SGCZ: variants seen among roughly 807,000 people sequenced by gnomAD.
SGCZ encodes the protein zeta-sarcoglycan.
Under a neutral mutation model 41.3 loss-of-function variants are expected in SGCZ, and 40 were observed. The ratio of observed to expected loss-of-function variants is 0.97; its 90% CI spans 0.75 to 1.26. The LOEUF (loss-of-function observed/expected upper bound fraction) is 1.26. SGCZ is among the 50% of genes most tolerant of loss of function. SGCZ has a pLI of 0.00. For synonymous variants in SGCZ, 206 were observed against 137.5 expected, an observed-to-expected ratio of 1.50 and a Z score of -3.49; for missense variants, 552 against 369.8, an observed-to-expected ratio of 1.49 and a Z score of -4.04.
intron 5 of SGCZ, among the ~76,000 whole-genome samples, chr8:14,163,651 C>T (rs1013889946): frequency 2.0e-5 from 3 of 152,120 alleles, no homozygotes; most frequent in African/African-American, 7.2e-5. Context: ...GAGGGAAAAT[C>T]AGAGGCATCT....
At chr8:14,342,665 C>T (rs1015680451) in intron 2 of SGCZ, among the ~76,000 whole-genome samples, 1 of 152,022 alleles carries the variant, frequency 6.6e-6, no homozygotes, top group Non-Finnish European at 1.5e-5. Flanking sequence ...GACTTGGGTG[C>T]TATTAAAGGC....
chr8:14,668,866 A>G (rs1291200700), intron 1 of SGCZ, among the ~76,000 whole-genome samples: 1 of 152,118 alleles, frequency 6.6e-6, no homozygotes, highest in Non-Finnish European at 1.5e-5. Context: ...TACATGGTGA[A>G]ATAAATCACT....
intron 1 of SGCZ, among the ~76,000 whole-genome samples, chr8:14,582,168 T>C (rs550873672): frequency 1.6e-3 from 249 of 152,272 alleles, no homozygotes; most frequent in African/African-American, 5.8e-3. Context: ...GAATATATTA[T>C]ATATATGTAT....
chr8:14,740,531 A>T (rs1454773315), intron 1 of SGCZ, among the ~76,000 whole-genome samples: 2 of 152,006 alleles, frequency 1.3e-5, no homozygotes, highest in Non-Finnish European at 2.9e-5. Context: ...ACGTACTATG[A>T]ATGTCCACTA....
chr8:14,784,042 T>C (rs1800672898), intron 1 of SGCZ, among the ~76,000 whole-genome samples: 1 of 133,834 alleles, frequency 7.5e-6, no homozygotes, highest in Admixed American at 8.2e-5. Context: ...CAGATTGTAA[T>C]TTAATTTAAT....
At position 14,285,345 on chromosome 8, in the gene SGCZ, T is replaced by C. The variant is rs146943640; in HGVS notation, c.336+38758A>G. On this transcript the variant is annotated intron_variant, in intron 3 of 7. Coordinates refer to ENST00000382080, the MANE Select transcript of SGCZ (RefSeq NM_139167.4). ...GTTTGGGACTTATTTCCTCCTTGTA[T>C]TGAAATATTGTATTCTAAGAACAAG... Among the ~76,000 whole-genome samples, 116 of 152,242 alleles carry C rather than the reference T, an allele frequency of 7.6e-4. 1 individual carries two copies. The East Asian group carries it at 0.022, about 29-fold the overall frequency.
At chr8:14,317,442 G>A (rs1216775095) in intron 3 of SGCZ, among the ~76,000 whole-genome samples, 1 of 151,796 alleles carries the variant, frequency 6.6e-6, no homozygotes, top group Admixed American at 6.6e-5. Context: ...ATCATTATCT[G>A]TCAGATGAGC....
intron 1 of SGCZ, among the ~76,000 whole-genome samples, chr8:14,628,928 C>G (rs1398851437): frequency 6.6e-6 from 1 of 152,120 alleles, no homozygotes; most frequent in African/African-American, 2.4e-5. Context: ...ACCATCTGTA[C>G]TTTTGCTGTT....
chr8:14,688,399 A>C (rs1797159249), intron 1 of SGCZ, among the ~76,000 whole-genome samples: 1 of 152,148 alleles, frequency 6.6e-6, no homozygotes, highest in Non-Finnish European at 1.5e-5. Flanking sequence ...ATCCAGGTTC[A>C]GCTTTCTACC....
At chr8:14,764,159 G>C (rs138041788) in intron 1 of SGCZ, among the ~76,000 whole-genome samples, 3 of 152,298 alleles carry the variant, frequency 2.0e-5, no homozygotes, top group Admixed American at 6.5e-5. Flanking sequence ...GTTTGTCCTA[G>C]ACAAAGAGAC....
chr8:14,138,941 G>C (rs13272092), intron 5 of SGCZ, among the ~76,000 whole-genome samples: 53,322 of 152,012 alleles, frequency 0.35, 11,835 homozygotes, highest in Non-Finnish European at 0.5. Context: ...ATAGCCGAAA[G>C]TATAGCACTC....
At chr8:15,007,581 A>T (rs1213616088) in intron 1 of SGCZ, among the ~76,000 whole-genome samples, 1 of 152,248 alleles carries the variant, frequency 6.6e-6, no homozygotes, top group African/African-American at 2.4e-5. Flanking sequence ...TCTCATCCGT[A>T]AAATGGAGAT....
chr8:14,704,643 G>A (rs1585196166), intron 1 of SGCZ, among the ~76,000 whole-genome samples: 1 of 151,898 alleles, frequency 6.6e-6, no homozygotes, highest in African/African-American at 2.4e-5. Context: ...TCTTTAAAAG[G>A]AAAGCAAGTC....
chr8:14,510,389 T>C (rs1802434273), intron 2 of SGCZ, among the ~76,000 whole-genome samples: 1 of 152,048 alleles, frequency 6.6e-6, no homozygotes, highest in Admixed American at 6.6e-5. Flanking sequence ...TTGTAATGTA[T>C]AAAGGTTTTC....
At chr8:14,985,913 T>G (rs1801812461) in intron 1 of SGCZ, among the ~76,000 whole-genome samples, 1 of 152,208 alleles carries the variant, frequency 6.6e-6, no homozygotes, top group African/African-American at 2.4e-5. Flanking sequence ...ATGAAAACTT[T>G]CAGAATTGGT....
At chr8:14,709,305 C>T (rs933998394) in intron 1 of SGCZ, among the ~76,000 whole-genome samples, 5 of 152,192 alleles carry the variant, frequency 3.3e-5, no homozygotes, top group Non-Finnish European at 7.4e-5. Flanking sequence ...GCGTGTGTAA[C>T]TAATCCCTCC....
At chr8:14,684,967 A>G (rs546020358) in intron 1 of SGCZ, among the ~76,000 whole-genome samples, 1 of 152,318 alleles carries the variant, frequency 6.6e-6, no homozygotes, top group South Asian at 2.1e-4. Flanking sequence ...CTAAATGTAC[A>G]AGCAAACTTT....
chr8:14,209,771 T>C (rs1326492843), intron 4 of SGCZ, among the ~76,000 whole-genome samples: 1 of 152,182 alleles, frequency 6.6e-6, no homozygotes, highest in African/African-American at 2.4e-5. Context: ...AAACGAGAGC[T>C]GGGATCAAAG....
chr8:14,466,527 T>G (rs960643198), intron 2 of SGCZ, among the ~76,000 whole-genome samples: 1 of 151,994 alleles, frequency 6.6e-6, no homozygotes. Flanking sequence ...TGTCATTATT[T>G]CCTTAAACAT....
Sources: gnomAD v4.1 joint callset for allele counts (sites outside exome capture counted in the v4.1 genomes callset) on GRCh38, gnomAD v4.1.1 for gene constraint, MANE v1.5 for transcripts, NCBI Gene and HGNC (gene_info 2026-07-23, HGNC 2026-07-21) for gene names.